Variants in HHIP observed in about 807,000 individuals in gnomAD.
HHIP encodes hedgehog-interacting protein.
HHIP carries 12 observed loss-of-function variants against 74.0 expected under a neutral mutation model. That is an observed-to-expected ratio of 0.16 (90% CI 0.10 to 0.26). The LOEUF (loss-of-function observed/expected upper bound fraction) is 0.26. HHIP is among the 10% of genes least tolerant of loss of function. The pLI is 1.00. For synonymous variants in HHIP, 309 were observed against 311.6 expected (o/e 0.99, Z 0.09); for missense variants, 788 against 845.0 (o/e 0.93, Z 0.84).
intron 4 of HHIP, among the ~76,000 whole-genome samples, chr4:144,698,405 G>A: frequency 6.6e-6 from 1 of 152,128 alleles, no homozygotes; most frequent in East Asian, 1.9e-4. Context: ...GCTGACCATT[G>A]TATTAAGTTG....
Position 144,710,774 on chromosome 4 carries a change from C to T in HHIP, c.1302-1176C>T, listed in dbSNP as rs1194898337. ...TGTAGAGGCCAGAGATGCTGCTAAA[C>T]ACCCTACAGTTGGCAGCACAGCCTC... On this transcript the variant is annotated intron_variant, in intron 7 of 12. Coordinates refer to ENST00000296575, the MANE Select transcript of HHIP (RefSeq NM_022475.3). 2.0e-5 allele frequency among the ~76,000 whole-genome samples: 3 copies of T among 152,188 alleles called. No homozygotes were observed. The East Asian group carries it at 5.8e-4, about 29-fold the overall frequency.
chr4:144,707,017 T>C, intron 5 of HHIP, 70 bp from the exon 6 acceptor site: 1 of 1,295,168 alleles, frequency 7.7e-7, no homozygotes, highest in South Asian at 1.2e-5. Flanking sequence ...ATTTATATAC[T>C]ATTCACTTTC....
chr4:144,717,885 T>C (rs1392467537), intron 10 of HHIP, among the ~76,000 whole-genome samples: 1 of 152,158 alleles, frequency 6.6e-6, no homozygotes, highest in East Asian at 1.9e-4. Context: ...AAATTAGCAA[T>C]TAACGGTAAC....
chr4:144,715,147 T>G, intron 9 of HHIP, 153 bp from the exon 10 acceptor site: 1 of 621,654 alleles, frequency 1.6e-6, no homozygotes, highest in Admixed American at 2.9e-5. Context: ...TTCACAGTAC[T>G]CACACACGTT....
rs543673545 is a variant in HHIP at position 144,649,467 on chromosome 4, G to A, written c.279+2513G>A. Reference sequence around the variant, plus strand: ...GAATTATGCTCTATTTTAATTTTTTGTATATTTTAATAATGTTGTATATTG... The same window carrying A: ...GAATTATGCTCTATTTTAATTTTTTATATATTTTAATAATGTTGTATATTG... On this transcript the variant is annotated intron_variant, in intron 1 of 12. Transcript: ENST00000296575. Among the ~76,000 whole-genome samples, 46 of 152,032 alleles carry A rather than the reference G, an allele frequency of 3.0e-4. 2 individuals are homozygous for A. In the South Asian group the frequency reaches 6.2e-3, roughly 21 times the overall value.
At chr4:144,703,765 G>A (rs952884412) in intron 4 of HHIP, among the ~76,000 whole-genome samples, 1 of 152,188 alleles carries the variant, frequency 6.6e-6, no homozygotes, top group African/African-American at 2.4e-5. Context: ...CTCGGGCTAG[G>A]ACGGTGTCCT....
chr4:144,739,620 T>C lies in HHIP; in HGVS notation c.*1663T>C, dbSNP rs543202913. The stretch of plus-strand genomic sequence containing the variant: ...GTACACTGCTCTTGTCTTCCATATA[T>C]GATTACTTAAGTTTCAAGTGACCTC... On this transcript the variant is annotated 3_prime_UTR_variant, in exon 13 of 13. Transcript: ENST00000296575. 6 of 152,334 alleles carry C rather than the reference T, an allele frequency of 3.9e-5. No homozygotes were observed. In the East Asian group the frequency reaches 1.2e-3, roughly 29 times the overall value. 9.4% of individuals were successfully genotyped at this position (152,334 alleles called of 1,614,324 possible). A position where few individuals can be genotyped will look rare whatever the true frequency, so the allele number is the denominator to read the frequency against.
rs1393671890 is a variant in HHIP at position 144,745,064 on chromosome 4, T to C, written c.*7107T>C. On this transcript the variant is annotated 3_prime_UTR_variant, in exon 13 of 13. Coordinates refer to ENST00000296575, the MANE Select transcript of HHIP (RefSeq NM_022475.3). ...TTGTGTTATCTTTAAAATAGAACAATTGTATCTTGAAGTGGTAAATGCAGA... is the reference window on the plus strand; with the variant it reads ...TTGTGTTATCTTTAAAATAGAACAACTGTATCTTGAAGTGGTAAATGCAGA... The C allele has an allele frequency of 6.6e-6, 1 of 152,224 alleles. No individual in the cohort carries two copies. Among genetic ancestry groups the C allele is most frequent in the Non-Finnish European group, 1.5e-5 (1 of 68,036 alleles). The allele number at this position is 152,224 out of a possible 1,614,324, so 9.4% of individuals were successfully genotyped here.
chr4:144,648,141 T>A (rs1162482845), intron 1 of HHIP: 2 of 152,224 alleles, frequency 1.3e-5, no homozygotes, highest in East Asian at 3.8e-4. Context: ...TATTGCATCA[T>A]TTAATTTGCT....
At chr4:144,670,481 T>G (rs1426574975) in intron 4 of HHIP, among the ~76,000 whole-genome samples, 6 of 151,260 alleles carry the variant, frequency 4.0e-5, no homozygotes, top group African/African-American at 7.3e-5. Flanking sequence ...AGCTAAATTA[T>G]TTACTTTTAG....
intron 4 of HHIP, among the ~76,000 whole-genome samples, chr4:144,684,046 G>C (rs575358804): frequency 5.4e-4 from 78 of 145,278 alleles, no homozygotes; most frequent in African/African-American, 1.8e-3. Flanking sequence ...CTGAGCGACA[G>C]AGTGAGACTC....
intron 1 of HHIP, among the ~76,000 whole-genome samples, chr4:144,650,231 C>A (rs1034934982): frequency 2.0e-5 from 3 of 152,072 alleles, no homozygotes; most frequent in African/African-American, 7.2e-5. Context: ...TTATCTTACC[C>A]TTCTTCTATG....
Position 144,659,720 on chromosome 4 carries a change from G to C in HHIP, c.713G>C (p.Gly238Ala). 1 of 1,610,046 alleles carries C rather than the reference G, an allele frequency of 6.2e-7. No homozygotes were observed. ...QPVGALHSGD[G>A]SQRLFILEKE... ...GTTGGTGCCCTGCATAGTGGGGATG[G>C]CTCGCAACGTCTCTTCATTCTGGAA... The change falls in exon 4 of 13, where the codon GGC becomes GCC. Residue 238 changes from glycine (G) to alanine (A), a missense_variant. Transcript: ENST00000296575.
chr4:144,731,561 A>G (rs2126687010), intron 11 of HHIP, among the ~76,000 whole-genome samples: 1 of 152,210 alleles, frequency 6.6e-6, no homozygotes, highest in African/African-American at 2.4e-5. Context: ...CTGGGATTAC[A>G]GACACCCAGG....
At chr4:144,682,866 T>C (rs1729383865) in intron 4 of HHIP, among the ~76,000 whole-genome samples, 3 of 152,258 alleles carry the variant, frequency 2.0e-5, no homozygotes, top group Admixed American at 6.5e-5. Flanking sequence ...CTGAGAAAGC[T>C]GACTGTTACC....
chr4:144,659,598 T>C lies in HHIP; in HGVS notation c.630-39T>C, dbSNP rs761631454. The C allele has an allele frequency of 2.2e-6, 3 of 1,344,110 alleles. No homozygotes were observed. The South Asian group carries it at 6.0e-5, about 27-fold the overall frequency. 83.3% of individuals were successfully genotyped at this position (1,344,110 alleles called of 1,614,324 possible). ...CCAAGTGCATCCCTTATCTCCTTCATCTCAAGAAAAGCTTACCGGTTTTCT... is the reference window on the plus strand; with the variant it reads ...CCAAGTGCATCCCTTATCTCCTTCACCTCAAGAAAAGCTTACCGGTTTTCT... On this transcript the variant is annotated intron_variant, in intron 3 of 12. Transcript: ENST00000296575.
At chr4:144,647,583 T>G (rs1728303034) in intron 1 of HHIP, among the ~76,000 whole-genome samples, 1 of 152,254 alleles carries the variant, frequency 6.6e-6, no homozygotes. Context: ...TCCGTCATTT[T>G]GTAACATTAT....
At chr4:144,708,473 AGCACACT>A in intron 7 of HHIP, among the ~76,000 whole-genome samples, 162 bp downstream of exon 7, 1 of 152,232 alleles carries the variant, frequency 6.6e-6, no homozygotes, top group Non-Finnish European at 1.5e-5. Flanking sequence ...GTGAGTATTT[AGCACACT>A]GTCTTCTATT....
At chr4:144,728,953 C>T (rs949776538) in intron 11 of HHIP, among the ~76,000 whole-genome samples, 35 of 152,118 alleles carry the variant, frequency 2.3e-4, no homozygotes, top group African/African-American at 7.7e-4. Context: ...CAGAATACAG[C>T]ATTCTACTCC....
Sources: allele counts gnomAD v4.1 joint callset (sites outside exome capture counted in the v4.1 genomes callset), GRCh38; gene constraint gnomAD v4.1.1; transcripts MANE v1.5; gene names NCBI Gene and HGNC (gene_info 2026-07-23, HGNC 2026-07-21).